Variants in CDH2 observed in about 807,000 individuals in gnomAD.
CDH2 encodes the protein cadherin 2.
CDH2 carries 17 observed loss-of-function variants against 92.0 expected under a neutral mutation model. The observed-to-expected ratio is 0.18, with a 90% confidence interval of 0.13 to 0.28. CDH2 has a LOEUF of 0.28. Ranked by LOEUF, CDH2 falls within the 10% of genes least tolerant of loss-of-function variation. The pLI, the probability that CDH2 is intolerant of heterozygous loss-of-function variation, is 1.00. For missense variants in CDH2, 862 were observed against 1,133.1 expected (o/e 0.76, Z 3.44); for synonymous variants, 419 against 415.9 (o/e 1.01, Z -0.09).
At chr18:28,087,757 AAAAC>A (rs1297865627) in intron 2 of CDH2, among the ~76,000 whole-genome samples, 1 of 151,958 alleles carries the variant, frequency 6.6e-6, no homozygotes, top group African/African-American at 2.4e-5. Context: ...ACTCAAAAGA[AAAAC>A]AAAACAAAAC....
At chr18:28,042,469 A>G (rs1378424123) in intron 2 of CDH2, among the ~76,000 whole-genome samples, 1 of 152,154 alleles carries the variant, frequency 6.6e-6, no homozygotes, top group Admixed American at 6.5e-5. Context: ...CAAATCTTGA[A>G]GTTTGATAAA....
In CDH2 at chr18:27,985,694, A is replaced by C. The variant is rs1599011037; in HGVS notation, c.1809T>G (p.Pro603=). 13 of 1,613,902 alleles carry C rather than the reference A, an allele frequency of 8.1e-6. No individual in the cohort carries two copies. The highest frequency in any genetic ancestry group is 1.1e-5 in the Non-Finnish European group (13 of 1,179,906). The change falls in exon 12 of 16, where the codon CCT becomes CCG. Residue 603 remains proline (P), a synonymous_variant. Transcript: ENST00000269141. ...TCTCTGCCTCTTGAGGTAACACTTG[A>C]GGGGCATTGTCATTAATATCAAGTA... The part of the protein sequence containing the change: ...IYLLDINDNA[P]QVLPQEAETC...
chr18:27,974,413 G>A (rs1486710185), intron 14 of CDH2, among the ~76,000 whole-genome samples: 1 of 152,134 alleles, frequency 6.6e-6, no homozygotes, highest in Non-Finnish European at 1.5e-5. Flanking sequence ...CTTTTTGAAA[G>A]GATTAGGAAA....
chr18:28,008,031 A>G (rs1599029402), intron 5 of CDH2, among the ~76,000 whole-genome samples: 1 of 152,254 alleles, frequency 6.6e-6, no homozygotes, highest in East Asian at 1.9e-4. Flanking sequence ...ACCACACCCG[A>G]CTGGTATTGC....
intron 5 of CDH2, among the ~76,000 whole-genome samples, chr18:28,006,217 A>G (rs1447640436): frequency 6.6e-6 from 1 of 152,184 alleles, no homozygotes; most frequent in Non-Finnish European, 1.5e-5. Flanking sequence ...TCAGAGCACA[A>G]TGGATTTTAA....
intron 13 of CDH2, among the ~76,000 whole-genome samples, chr18:27,984,471 A>G (rs17493416): frequency 1.7e-3 from 265 of 152,340 alleles, no homozygotes; most frequent in African/African-American, 5.4e-3. Context: ...TGAGCTGTGT[A>G]ATCATTTCTA....
chr18:28,100,386 T>C (rs1243241405), intron 2 of CDH2, among the ~76,000 whole-genome samples: 3 of 152,242 alleles, frequency 2.0e-5, no homozygotes, highest in African/African-American at 7.2e-5. Flanking sequence ...AGACTCAAAC[T>C]GAAACAATGG....
intron 5 of CDH2, among the ~76,000 whole-genome samples, chr18:28,008,892 G>C (rs1567962134): frequency 2.0e-5 from 3 of 152,178 alleles, no homozygotes. Context: ...GTAGATGATG[G>C]ATCAATGGGG....
intron 3 of CDH2, 115 bp from the exon 4 acceptor site, chr18:28,012,107 A>C (rs922676412): frequency 1.1e-6 from 1 of 870,668 alleles, no homozygotes; most frequent in Non-Finnish European, 1.7e-6. Context: ...TGAACAAAAA[A>C]TAAGTCTGGA....
chr18:27,996,672 C>G (rs1168113844), intron 7 of CDH2, among the ~76,000 whole-genome samples: 1 of 152,200 alleles, frequency 6.6e-6, no homozygotes, highest in Non-Finnish European at 1.5e-5. Context: ...CAGACACACA[C>G]ACACGTGTCC....
At position 28,026,974 on chromosome 18, in the gene CDH2, T is replaced by C. The variant is rs529042158; in HGVS notation, c.173-13065A>G. ...ACATATCACTTTACAGCAGAAGCATTTAAAAGTTGATGCCCTCCTCCCCTG... is the reference window on the plus strand; with the variant it reads ...ACATATCACTTTACAGCAGAAGCATCTAAAAGTTGATGCCCTCCTCCCCTG... On this transcript the variant is annotated intron_variant, in intron 2 of 15. Coordinates refer to ENST00000269141, the MANE Select transcript of CDH2 (RefSeq NM_001792.5). Among the ~76,000 whole-genome samples, 5 of 152,180 alleles carry C rather than the reference T, an allele frequency of 3.3e-5. No individual in the cohort carries two copies. In the East Asian group the frequency reaches 9.7e-4, roughly 29 times the overall value.
intron 2 of CDH2, among the ~76,000 whole-genome samples, chr18:28,112,399 G>T (rs2015427520): frequency 6.6e-6 from 1 of 152,108 alleles, no homozygotes; most frequent in Admixed American, 6.6e-5. Context: ...ATTCTGTCTG[G>T]CTCACAGCAG....
chr18:28,110,811 A>T (rs578198387), intron 2 of CDH2, among the ~76,000 whole-genome samples: 1 of 152,300 alleles, frequency 6.6e-6, no homozygotes, highest in African/African-American at 2.4e-5. Context: ...AGGTGGTAAG[A>T]TGTGGCCAAA....
At chr18:28,059,550 C>G (rs996580723) in intron 2 of CDH2, among the ~76,000 whole-genome samples, 1 of 152,218 alleles carries the variant, frequency 6.6e-6, no homozygotes, top group Non-Finnish European at 1.5e-5. Flanking sequence ...AACTCTATAA[C>G]TAACTTCCAT....
intron 2 of CDH2, among the ~76,000 whole-genome samples, chr18:28,093,460 T>C (rs1210175277): frequency 1.3e-5 from 2 of 152,034 alleles, no homozygotes; most frequent in Admixed American, 6.6e-5. Context: ...TTTTCAAAGG[T>C]TTCTTTCTAC....
intron 5 of CDH2, among the ~76,000 whole-genome samples, chr18:28,007,464 T>A (rs1371568021): frequency 6.6e-6 from 1 of 151,846 alleles, no homozygotes; most frequent in Non-Finnish European, 1.5e-5. Flanking sequence ...GGATACACTC[T>A]ATCAAATTAA....
chr18:28,177,002 C>A lies in CDH2; in HGVS notation c.21G>T (p.Ala7=). The A allele has an allele frequency of 6.7e-7, 1 of 1,483,072 alleles. No homozygotes were observed. The highest frequency in any genetic ancestry group is 8.9e-7 in the Non-Finnish European group (1 of 1,119,912). 91.9% of individuals were successfully genotyped at this position (1,483,072 alleles called of 1,614,324 possible). A position where few individuals can be genotyped will look rare whatever the true frequency, so the allele number is the denominator to read the frequency against. MCRIAG[A]LRTLLPLLAA... ...CCAGCAGCGGCAGCAGGGTCCGCAG[C>A]GCTCCCGCTATCCGGCACATGGAGG... Residue 7 remains alanine, a synonymous_variant, in exon 1 of 16, where the codon GCG becomes GCT. Coordinates refer to ENST00000269141, the MANE Select transcript of CDH2 (RefSeq NM_001792.5).
intron 2 of CDH2, among the ~76,000 whole-genome samples, chr18:28,064,137 G>A (rs958286443): frequency 6.2e-5 from 6 of 96,052 alleles, no homozygotes; most frequent in African/African-American, 1.2e-4. Flanking sequence ...CCTCAAAAGA[G>A]GGGGGGGTAG....
chr18:28,071,190 C>CA (rs1489859678), intron 2 of CDH2, among the ~76,000 whole-genome samples: 1 of 152,082 alleles, frequency 6.6e-6, no homozygotes, highest in Admixed American at 6.6e-5. Flanking sequence ...CTGTCAAACT[C>CA]ATTTTCTTTC....
Sources: allele counts gnomAD v4.1 joint callset (sites outside exome capture counted in the v4.1 genomes callset), GRCh38; gene constraint gnomAD v4.1.1; transcripts MANE v1.5; gene names NCBI Gene and HGNC (gene_info 2026-07-23, HGNC 2026-07-21).